Variants in WDPCP observed in about 807,000 individuals in gnomAD.
WDPCP encodes the protein WD repeat-containing and planar cell polarity effector protein fritz homolog.
A neutral mutation model predicts 93.1 loss-of-function variants in WDPCP; 71 were observed. That is an observed-to-expected ratio of 0.76 (90% confidence interval 0.63 to 0.93). WDPCP has a LOEUF of 0.93. Ranked by LOEUF, WDPCP falls within the 40% of genes least tolerant of loss-of-function variation. The probability of loss-of-function intolerance (pLI) is 0.00; values close to 1 mark genes in which losing one functional copy is unlikely to be tolerated. For synonymous variants in WDPCP, 315 were observed against 315.0 expected (o/e 1.00, Z 0.00); for missense variants, 844 against 887.4 (o/e 0.95, Z 0.62).
chr2:63,157,678 A>G (rs1446481696), intron 15 of WDPCP, among the ~76,000 whole-genome samples: 1 of 152,156 alleles, frequency 6.6e-6, no homozygotes, highest in East Asian at 1.9e-4. Context: ...TGCATACAGT[A>G]GTTCATGACA....
intron 9 of WDPCP, among the ~76,000 whole-genome samples, chr2:63,409,239 C>A (rs1351689977): frequency 2.0e-5 from 3 of 152,158 alleles, no homozygotes; most frequent in Non-Finnish European, 4.4e-5. Flanking sequence ...TGCAGACAAC[C>A]CCCAGTACCA....
chr2:63,244,741 T>G (rs1001154005), intron 14 of WDPCP, among the ~76,000 whole-genome samples: 2 of 152,276 alleles, frequency 1.3e-5, no homozygotes, highest in African/African-American at 4.8e-5. Context: ...GTCCAGCTAT[T>G]TCTGAGGTAC....
At chr2:63,669,409 G>A (rs911674810) in intron 2 of WDPCP, among the ~76,000 whole-genome samples, 9 of 151,024 alleles carry the variant, frequency 6.0e-5, no homozygotes, top group African/African-American at 2.2e-4. Context: ...ACCCAGGCTG[G>A]AGTGCAGTGG....
Position 63,802,281 on chromosome 2 carries a change from T to TAAAAAAAA in WDPCP, n.308+11333_308+11340dup, listed in dbSNP as rs58717654. On this transcript the variant is annotated intron_variant and non_coding_transcript_variant, in intron 2 of 4. Transcript: ENST00000467687. ...GGCAACATTATGATACCCTCTCTCTTAAAAAAAAAAAAAAAAAAAAAAAAA... is the reference window on the plus strand; with the variant it reads ...GGCAACATTATGATACCCTCTCTCTTAAAAAAAAAAAAAAAAAAAAAAAAAAAAAAAAA... Among the ~76,000 whole-genome samples, 92 of 54,390 alleles carry TAAAAAAAA rather than the reference T, an allele frequency of 1.7e-3. 19 individuals are homozygous for TAAAAAAAA. The highest frequency in any genetic ancestry group is 3.1e-3 in the East Asian group (5 of 1,628). 35.7% of individuals were successfully genotyped at this position (54,390 alleles called of 152,430 possible).
chr2:63,235,467 G>T (rs1187999421), intron 14 of WDPCP, among the ~76,000 whole-genome samples: 2 of 152,090 alleles, frequency 1.3e-5, no homozygotes, highest in African/African-American at 4.8e-5. Context: ...CAGAAATTAA[G>T]TAGAAGGCAA....
intron 2 of WDPCP, among the ~76,000 whole-genome samples, chr2:63,786,275 G>C (rs549486907): frequency 2.0e-4 from 31 of 152,268 alleles, no homozygotes; most frequent in Non-Finnish European, 3.2e-4. Context: ...GCCTCCCAAA[G>C]TGCTGGGATT....
intron 12 of WDPCP, among the ~76,000 whole-genome samples, chr2:63,342,240 G>A (rs1037070278): frequency 2.0e-5 from 3 of 152,180 alleles, no homozygotes; most frequent in African/African-American, 7.2e-5. Context: ...TGTGTGGCCT[G>A]GTTCCTAACA....
At chr2:63,715,202 T>C (rs1669320128) in intron 2 of WDPCP, among the ~76,000 whole-genome samples, 2 of 152,234 alleles carry the variant, frequency 1.3e-5, no homozygotes, top group Admixed American at 1.3e-4. Context: ...TGGAATTTGA[T>C]ATAGATGGTA....
chr2:63,435,893 T>C (rs1019821135), intron 8 of WDPCP, among the ~76,000 whole-genome samples: 3 of 152,024 alleles, frequency 2.0e-5, no homozygotes, highest in African/African-American at 7.2e-5. Flanking sequence ...CAAAGGCATA[T>C]TCGAATAAGC....
chr2:63,278,983 T>C (rs1372349493), intron 13 of WDPCP, among the ~76,000 whole-genome samples: 1 of 151,834 alleles, frequency 6.6e-6, no homozygotes, highest in Non-Finnish European at 1.5e-5. Context: ...GCAGTGAAAT[T>C]GAAATAGTAA....
At chr2:63,819,942 A>C (rs1037017124) in intron 1 of WDPCP, among the ~76,000 whole-genome samples, 2 of 152,136 alleles carry the variant, frequency 1.3e-5, no homozygotes, top group African/African-American at 4.8e-5. Flanking sequence ...TCTCAGAAGC[A>C]TGGATTACTT....
chr2:63,488,277 TTTC>T (rs1700685255), intron 2 of WDPCP, among the ~76,000 whole-genome samples: 1 of 152,082 alleles, frequency 6.6e-6, no homozygotes, highest in Non-Finnish European at 1.5e-5. Context: ...TATACAACTG[TTTC>T]TAAAGAGGTG....
chr2:63,545,554 CCT>C (rs1423845108), intron 1 of WDPCP, among the ~76,000 whole-genome samples: 1 of 151,908 alleles, frequency 6.6e-6, no homozygotes, highest in Non-Finnish European at 1.5e-5. Flanking sequence ...TCTTATCCAC[CCT>C]GTGATAATCT....
At chr2:63,363,393 T>C (rs1473496896) in intron 12 of WDPCP, among the ~76,000 whole-genome samples, 1 of 151,626 alleles carries the variant, frequency 6.6e-6, no homozygotes, top group South Asian at 2.1e-4. Context: ...GAGCCAGGAG[T>C]TTGAGACCAG....
At chr2:63,685,889 T>C (rs191151103) in intron 2 of WDPCP, among the ~76,000 whole-genome samples, 1,729 of 152,316 alleles carry the variant, frequency 0.011, 14 homozygotes, top group Non-Finnish European at 0.013. Flanking sequence ...TGAAAAAGCA[T>C]TTGATACAAT....
At chr2:63,238,724 A>G (rs1679616352) in intron 14 of WDPCP, among the ~76,000 whole-genome samples, 1 of 152,174 alleles carries the variant, frequency 6.6e-6, no homozygotes, top group African/African-American at 2.4e-5. Flanking sequence ...AAGTTGGAAT[A>G]GTATATGTGA....
chr2:63,325,443 C>G (rs1450984403), intron 12 of WDPCP, among the ~76,000 whole-genome samples: 1 of 152,190 alleles, frequency 6.6e-6, no homozygotes, highest in Non-Finnish European at 1.5e-5. Flanking sequence ...GGGAAAGCGC[C>G]AGCTCATGTC....
At chr2:63,527,299 C>A (rs529207947) in intron 1 of WDPCP, among the ~76,000 whole-genome samples, 7 of 151,212 alleles carry the variant, frequency 4.6e-5, no homozygotes, top group Non-Finnish European at 2.9e-5. Flanking sequence ...TATACCTGTG[C>A]CATGTTGGTG....
Position 63,551,970 on chromosome 2 carries a change from T to C in WDPCP, c.75+36227A>G, listed in dbSNP as rs930702687. ...TTTGCTTTCATTTTCTTTTTTTTTT[T>C]TTTTAAGAGAGAGGGTCTCACTATG... On this transcript the variant is annotated intron_variant, in intron 1 of 17. Transcript: ENST00000272321. 6.1e-5 allele frequency among the ~76,000 whole-genome samples: 9 copies of C among 146,576 alleles called. No homozygotes were observed. The Admixed American group carries it at 6.2e-4, about 10-fold the overall frequency.
Sources: allele counts gnomAD v4.1 joint callset (sites outside exome capture counted in the v4.1 genomes callset), GRCh38; gene constraint gnomAD v4.1.1; transcripts MANE v1.5; gene names NCBI Gene and HGNC (gene_info 2026-07-23, HGNC 2026-07-21).